SPPL3: variants seen among roughly 807,000 people sequenced by gnomAD.
SPPL3 encodes signal peptide peptidase like 3.
SPPL3 carries 5 observed loss-of-function variants against 42.4 expected under a neutral mutation model. The observed-to-expected ratio is 0.12, with a 90% CI of 0.06 to 0.25. The LOEUF (loss-of-function observed/expected upper bound fraction) is 0.25. Among genes scored for constraint, SPPL3 ranks in the 10% least tolerant of loss-of-function variants. SPPL3 has a pLI of 1.00. For missense variants in SPPL3, 235 were observed against 489.0 expected, an observed-to-expected ratio of 0.48 and a Z score of 4.90; for synonymous variants, 195 against 181.8, an observed-to-expected ratio of 1.07 and a Z score of -0.58.
chr12:120,861,112 T>G (rs1872605052), intron 1 of SPPL3, among the ~76,000 whole-genome samples: 1 of 152,206 alleles, frequency 6.6e-6, no homozygotes, highest in African/African-American at 2.4e-5. Flanking sequence ...ATTACTTTTG[T>G]TTTTTCTCCC....
In SPPL3 at chr12:120,898,296, GTT is replaced by G. The variant is rs1162273579; in HGVS notation, c.23+5547_23+5548del. Among the ~76,000 whole-genome samples the G allele has an allele frequency of 2.3e-3, 212 of 91,122 alleles. 3 individuals are homozygous for G. The highest frequency in any genetic ancestry group is 8.9e-3 in the African/African-American group (200 of 22,454). The allele number at this position is 91,122 out of a possible 152,430, so 59.8% of individuals were successfully genotyped here. On this transcript the variant is annotated intron_variant, in intron 1 of 10. Coordinates refer to ENST00000353487, the MANE Select transcript of SPPL3 (RefSeq NM_139015.5). ...TCCAGCCTGGACAGAGCAAGACTCT[GTT>G]TTTTTTTTTTTTTTTTAAAAAAAAA...
At chr12:120,896,298 G>C (rs530081040) in intron 1 of SPPL3, among the ~76,000 whole-genome samples, 1 of 152,258 alleles carries the variant, frequency 6.6e-6, no homozygotes, top group African/African-American at 2.4e-5. Flanking sequence ...GCCCTAGTTT[G>C]ACTTATTAAT....
intron 1 of SPPL3, among the ~76,000 whole-genome samples, chr12:120,825,978 A>AGTGAGAGGATGAGTGTCT (rs1446058169): frequency 6.6e-6 from 1 of 151,804 alleles, no homozygotes; most frequent in Admixed American, 6.6e-5. Context: ...TGACACACTC[A>AGTGAGAGGATGAGTGTCT]CTGGTCAAGA....
At chr12:120,857,247 T>C (rs935558881) in intron 1 of SPPL3, among the ~76,000 whole-genome samples, 1 of 152,178 alleles carries the variant, frequency 6.6e-6, no homozygotes, top group African/African-American at 2.4e-5. Context: ...TGAAAATTAA[T>C]TTCCTGCAAA....
rs76533689 is a variant in SPPL3 at position 120,837,529 on chromosome 12, T to G, written c.24-26643A>C. The stretch of plus-strand genomic sequence containing the variant: ...AGCTGCATTTGAAGGCATTAAACAT[T>G]TTTGAATTTTCTATAATGCTTTTTA... On this transcript the variant is annotated intron_variant, in intron 1 of 10. Transcript: ENST00000353487. 5.9e-3 allele frequency among the ~76,000 whole-genome samples: 894 copies of G among 152,336 alleles called. 11 individuals are homozygous for G. Among genetic ancestry groups the G allele is most frequent in the African/African-American group, 0.019 (806 of 41,572 alleles).
chr12:120,781,927 G>C (rs1869559839), intron 6 of SPPL3, among the ~76,000 whole-genome samples: 1 of 151,480 alleles, frequency 6.6e-6, no homozygotes, highest in African/African-American at 2.4e-5. Context: ...GCTGAGGCTG[G>C]AGTGCAGTAG....
intron 1 of SPPL3, among the ~76,000 whole-genome samples, chr12:120,832,306 ATAT>A (rs1308977141): frequency 6.6e-6 from 1 of 152,152 alleles, no homozygotes; most frequent in African/African-American, 2.4e-5. Flanking sequence ...GTTTTGCCTT[ATAT>A]TATTATTTTC....
intron 1 of SPPL3, among the ~76,000 whole-genome samples, chr12:120,869,898 T>A (rs1872868454): frequency 6.6e-6 from 1 of 152,234 alleles, no homozygotes. Context: ...CAGCTGAGAA[T>A]CCAAAAATAG....
chr12:120,766,290 C>T lies in SPPL3; in HGVS notation c.1056G>A (p.Leu352=), dbSNP rs1044105637. The change falls in exon 10 of 11, where the codon TTG becomes TTA. Residue 352 remains leucine (L), a synonymous_variant. Transcript: ENST00000353487. Reference sequence around the variant, plus strand: ...TTAAATAGGCCATCGTGAGGAGTGGCAATAAAGTAAATGGCACCAAATAGA... The same window carrying T: ...TTAAATAGGCCATCGTGAGGAGTGGTAATAAAGTAAATGGCACCAAATAGA... ...ALLYLVPFTL[L]PLLTMAYLKG... 15 of 1,595,484 alleles carry T rather than the reference C, an allele frequency of 9.4e-6. No individual in the cohort carries two copies. Among genetic ancestry groups the T allele is most frequent in the Non-Finnish European group, 1.2e-5 (14 of 1,171,486 alleles).
At chr12:120,769,262 T>C in intron 6 of SPPL3, 1 of 496,776 alleles carries the variant, frequency 2.0e-6, no homozygotes, top group Non-Finnish European at 3.7e-6. Context: ...TTGGGGTGAT[T>C]GCTTTCCTCC....
intron 2 of SPPL3, among the ~76,000 whole-genome samples, chr12:120,802,741 C>T (rs1401754245): frequency 6.6e-6 from 1 of 151,798 alleles, no homozygotes; most frequent in Non-Finnish European, 1.5e-5. Context: ...GGTCTGCTAC[C>T]AATATTTATT....
In SPPL3 at chr12:120,878,035, A is replaced by G. The variant is rs532143413; in HGVS notation, c.23+25810T>C. ...CTCTTGTCTTAAAAAAGAAAAAAAAATTAATTAAACAGGAAAATAAAAATA... is the reference window on the plus strand; with the variant it reads ...CTCTTGTCTTAAAAAAGAAAAAAAAGTTAATTAAACAGGAAAATAAAAATA... On this transcript the variant is annotated intron_variant, in intron 1 of 10. Transcript: ENST00000353487. Among the ~76,000 whole-genome samples, 5 of 122,420 alleles carry G rather than the reference A, an allele frequency of 4.1e-5. No individual in the cohort carries two copies. In the East Asian group the frequency reaches 1.6e-3, roughly 39 times the overall value. 80.3% of individuals were successfully genotyped at this position (122,420 alleles called of 152,430 possible). A position where few individuals can be genotyped will look rare whatever the true frequency, so the allele number is the denominator to read the frequency against.
chr12:120,859,472 T>C (rs941226470), intron 1 of SPPL3, among the ~76,000 whole-genome samples: 1 of 152,246 alleles, frequency 6.6e-6, no homozygotes, highest in South Asian at 2.1e-4. Context: ...TGTGACAGTA[T>C]ACAGCAGTGT....
intron 1 of SPPL3, among the ~76,000 whole-genome samples, chr12:120,868,614 TG>T (rs1321011291): frequency 6.6e-6 from 1 of 152,170 alleles, no homozygotes; most frequent in Non-Finnish European, 1.5e-5. Flanking sequence ...CCCAAGTAGC[TG>T]GGACTACAGG....
chr12:120,776,547 G>T (rs890692129), intron 6 of SPPL3, among the ~76,000 whole-genome samples: 2 of 151,868 alleles, frequency 1.3e-5, no homozygotes, highest in East Asian at 3.8e-4. Context: ...CAATGGCTGT[G>T]AAAAGAATGT....
chr12:120,871,545 G>A (rs1404411311), intron 1 of SPPL3, among the ~76,000 whole-genome samples: 2 of 152,120 alleles, frequency 1.3e-5, no homozygotes, highest in Admixed American at 1.3e-4. Flanking sequence ...TTGAGGTCAG[G>A]AGTTCGAGAC....
chr12:120,894,291 T>A (rs1472896505), intron 1 of SPPL3, among the ~76,000 whole-genome samples: 1 of 152,138 alleles, frequency 6.6e-6, no homozygotes, highest in African/African-American at 2.4e-5. Context: ...GCCACTGCAC[T>A]CCAGCCTGGG....
chr12:120,796,288 A>C (rs1258838526), intron 2 of SPPL3, among the ~76,000 whole-genome samples: 1 of 152,176 alleles, frequency 6.6e-6, no homozygotes, highest in Non-Finnish European at 1.5e-5. Context: ...AGGCAGGAGA[A>C]TTGCTTGAAC....
chr12:120,818,876 A>C (rs1452338581), intron 1 of SPPL3, among the ~76,000 whole-genome samples: 1 of 152,244 alleles, frequency 6.6e-6, no homozygotes, highest in Non-Finnish European at 1.5e-5. Context: ...ACATTTTTTA[A>C]AGGGCAAATA....
Sources: gnomAD v4.1 joint callset for allele counts (sites outside exome capture counted in the v4.1 genomes callset) on GRCh38, gnomAD v4.1.1 for gene constraint, MANE v1.5 for transcripts, NCBI Gene and HGNC (gene_info 2026-07-23, HGNC 2026-07-21) for gene names.